Variants in SLC35E2B observed in about 807,000 individuals in gnomAD.
The protein encoded by SLC35E2B is solute carrier family 35 member E2B, also known as solute carrier family 35, member E2B.
Under a neutral mutation model 32.4 loss-of-function variants are expected in SLC35E2B, and 18 were observed. The ratio of observed to expected loss-of-function variants is 0.56; its 90% CI spans 0.38 to 0.82. The LOEUF (loss-of-function observed/expected upper bound fraction) is 0.82, where lower values mean the gene tolerates loss of function less well. Among genes scored for constraint, SLC35E2B ranks in the 40% least tolerant of loss-of-function variants. The probability of loss-of-function intolerance (pLI) is 0.00; values close to 1 mark genes in which losing one functional copy is unlikely to be tolerated. For synonymous variants in SLC35E2B, 132 were observed against 209.1 expected, an observed-to-expected ratio of 0.63 and a Z score of 3.18; for missense variants, 263 against 469.5, an observed-to-expected ratio of 0.56 and a Z score of 4.06.
chr1:1,673,121 G>C, intron 5 of SLC35E2B: 2 of 179,020 alleles, frequency 1.1e-5, no homozygotes, highest in South Asian at 1.9e-4. Context: ...TGTAATCCCA[G>C]CACTTTAGGA....
intron 2 of SLC35E2B, among the ~76,000 whole-genome samples, chr1:1,682,042 A>G (rs1286014454): frequency 3.0e-5 from 3 of 99,964 alleles, no homozygotes; most frequent in Admixed American, 1.3e-4. Context: ...AAAAAAAAAG[A>G]AGAGACAGGG....
In SLC35E2B at chr1:1,675,487, G is replaced by C; in HGVS notation, c.562C>G (p.Arg188Gly). The C allele has an allele frequency of 6.2e-7, 1 of 1,609,036 alleles. No homozygotes were observed. The highest frequency in any genetic ancestry group is 1.1e-5 in the South Asian group (1 of 90,530). The change falls in exon 5 of 10, where the codon CGG (arginine) becomes GGG (glycine). Residue 188 changes from arginine (R) to glycine (G), a missense_variant. Arg to Gly is a moderately radical substitution (Grantham distance 125). Transcript: ENST00000617444. ...CCTGTGTACTCCCCCAGAATCATCC[G>C]AGACATGATCACCGTGAAGATGGGG... ...SAPIFTVIMS[R>G]MILGEYTGLL... is the part of the protein sequence containing the mutation.
Position 1,677,758 on chromosome 1 carries a change from T to C in SLC35E2B, c.-147-912A>G, listed in dbSNP as rs530133672. On this transcript the variant is annotated intron_variant, in intron 2 of 9. Coordinates refer to ENST00000617444, the MANE Select transcript of SLC35E2B (RefSeq NM_001290264.2). ...ACCTCGGCCTCCTAAAGTTCCATGC[T>C]ACTTTCTAGACAGACTCCGTGGTAT... Among the ~76,000 whole-genome samples the C allele has an allele frequency of 7.2e-5, 11 of 152,048 alleles. No individual in the cohort carries two copies. In the East Asian group the frequency reaches 1.7e-3, roughly 24 times the overall value.
chr1:1,672,765 T>G (rs538144151), intron 5 of SLC35E2B: 7 of 152,450 alleles, frequency 4.6e-5, no homozygotes, highest in Admixed American at 1.3e-4. Context: ...CATCAGCAAA[T>G]GCACCGGGGA....
chr1:1,669,583 A>G (rs759233926), intron 8 of SLC35E2B, 81 bp downstream of exon 8: 1 of 1,399,898 alleles, frequency 7.1e-7, no homozygotes, highest in Non-Finnish European at 9.6e-7. Flanking sequence ...CACGGCCTGG[A>G]AACGGAAGTC....
chr1:1,678,103 G>C (rs919641360), intron 2 of SLC35E2B, among the ~76,000 whole-genome samples: 1 of 152,104 alleles, frequency 6.6e-6, no homozygotes, highest in African/African-American at 2.4e-5. Context: ...CTCTGGGAGC[G>C]TGTGGTGCCG....
In SLC35E2B at chr1:1,662,733, AATCTCTTAAGT is replaced by A. The variant is rs1423673413; in HGVS notation, c.*3038_*3048del. The A allele has an allele frequency of 8.1e-6, 6 of 743,078 alleles. No homozygotes were observed. In the African/African-American group the frequency reaches 1.1e-4, roughly 14 times the overall value. The allele number at this position is 743,078 out of a possible 1,614,324, so 46.0% of individuals were successfully genotyped here. ...GAAGTTTCCTTGAAAGAGAGCTGCAAATCTCTTAAGTATCAACGTAAAGAAGCCGATGACCC... is the reference window on the plus strand; with the variant it reads ...GAAGTTTCCTTGAAAGAGAGCTGCAAATCAACGTAAAGAAGCCGATGACCC... On this transcript the variant is annotated 3_prime_UTR_variant, in exon 10 of 10. Coordinates refer to ENST00000617444, the MANE Select transcript of SLC35E2B (RefSeq NM_001290264.2).
chr1:1,689,592 G>C, intron 2 of SLC35E2B, among the ~76,000 whole-genome samples: 1 of 151,394 alleles, frequency 6.6e-6, no homozygotes, highest in Non-Finnish European at 1.5e-5. Flanking sequence ...TTTTGGGGTA[G>C]GACAATAATT....
chr1:1,686,321 CTTTTTTTTTT>C (rs375495225), intron 2 of SLC35E2B, among the ~76,000 whole-genome samples: 3 of 127,790 alleles, frequency 2.3e-5, no homozygotes, highest in East Asian at 4.6e-4. Context: ...CTTTTTTTTT[CTTTTTTTTTT>C]TTTTTTTTGC....
At chr1:1,671,995 G>T (rs6699975) in intron 5 of SLC35E2B, 65,446 of 177,080 alleles carry the variant, frequency 0.37, 14,382 homozygotes, top group Non-Finnish European at 0.49. Context: ...CCTGTGGGCC[G>T]GGAGGGGGAT....
At chr1:1,675,672 C>T in intron 4 of SLC35E2B, 82 bp from the exon 5 acceptor site, 1 of 1,291,780 alleles carries the variant, frequency 7.7e-7, no homozygotes, top group South Asian at 1.4e-5. Flanking sequence ...AAGGGGCTCG[C>T]TCGCTCGGTT....
rs565647539 is a variant in SLC35E2B, at chr1:1,666,620, G to A, written c.981-601C>T. Among the ~76,000 whole-genome samples the A allele has an allele frequency of 1.4e-4, 22 of 152,324 alleles. 2 individuals carry two copies. Among genetic ancestry groups the A allele is most frequent in the Admixed American group, 2.6e-4 (4 of 15,294 alleles). On this transcript the variant is annotated intron_variant, in intron 9 of 9. Transcript: ENST00000617444. ...GAACAAGAACATCACCGGGCGCAGC[G>A]GCTTAGCCTGGAATCCCAGCACTGT...
intron 5 of SLC35E2B, 23 bp from the exon 6 acceptor site, chr1:1,671,652 G>A (rs974916634): frequency 2.7e-6 from 4 of 1,508,486 alleles, no homozygotes; most frequent in Non-Finnish European, 2.7e-6. Context: ...CAGCCCCTGT[G>A]AGTGGCTGAC....
chr1:1,686,573 CAGG>C (rs1225697532), intron 2 of SLC35E2B, among the ~76,000 whole-genome samples: 3 of 148,458 alleles, frequency 2.0e-5, no homozygotes, highest in Non-Finnish European at 4.5e-5. Context: ...CACCTGAGGT[CAGG>C]AGTTCATGGT....
At chr1:1,670,249 T>A in intron 6 of SLC35E2B, 98 bp from the exon 7 acceptor site, 1 of 866,500 alleles carries the variant, frequency 1.2e-6, no homozygotes, top group Non-Finnish European at 1.9e-6. Context: ...ATGGCGACAA[T>A]GACCAGACCT....
chr1:1,683,629 C>T (rs111894320), intron 2 of SLC35E2B, among the ~76,000 whole-genome samples: 20 of 152,122 alleles, frequency 1.3e-4, no homozygotes, highest in Non-Finnish European at 2.8e-4. Context: ...TCGCTGCGTC[C>T]CTGAGGTTGG....
At position 1,664,885 on chromosome 1, in the gene SLC35E2B, A is replaced by G; in HGVS notation, c.*897T>C. The G allele has an allele frequency of 1.1e-6, 1 of 933,262 alleles. No homozygotes were observed. Among genetic ancestry groups the G allele is most frequent in the Non-Finnish European group, 1.3e-6 (1 of 785,962 alleles). The allele number at this position is 933,262 out of a possible 1,614,324, so 57.8% of individuals were successfully genotyped here. ...GGAACAGTGGGCTCTGAGGGAGGAC[A>G]GACAGGCTCACCCCACGGGGACCTC... On this transcript the variant is annotated 3_prime_UTR_variant, in exon 10 of 10. Transcript: ENST00000617444.
At chr1:1,677,733 A>G (rs558816202) in intron 2 of SLC35E2B, among the ~76,000 whole-genome samples, 3 of 150,758 alleles carry the variant, frequency 2.0e-5, no homozygotes, top group Admixed American at 6.6e-5. Flanking sequence ...TGAACCGCCC[A>G]CCTCGGCCTC....
intron 6 of SLC35E2B, 22 bp downstream of exon 6, chr1:1,671,487 G>A (rs751241186): frequency 1.9e-5 from 28 of 1,464,954 alleles, no homozygotes; most frequent in South Asian, 5.4e-5. Flanking sequence ...TCCCCCTCAC[G>A]CCCACCTTCT....
Sources: allele counts gnomAD v4.1 joint callset (sites outside exome capture counted in the v4.1 genomes callset), GRCh38; gene constraint gnomAD v4.1.1; transcripts MANE v1.5; gene names NCBI Gene and HGNC (gene_info 2026-07-23, HGNC 2026-07-21).